The following GPC3 variants were observed in gnomAD, a reference collection of about 807,000 sequenced individuals.
The protein encoded by GPC3 is glypican-3.
In GPC3, 3 loss-of-function variants were observed where a neutral mutation model predicts 34.4. That is an observed-to-expected ratio of 0.09 (90% CI 0.04 to 0.23). GPC3 has a LOEUF of 0.23. Among genes scored for constraint, GPC3 ranks in the 10% least tolerant of loss-of-function variants. The probability of loss-of-function intolerance (pLI) is 1.00; values close to 1 mark genes in which losing one functional copy is unlikely to be tolerated. For synonymous variants in GPC3, 177 were observed against 174.0 expected (o/e 1.02, Z -0.13); for missense variants, 351 against 445.6 (o/e 0.79, Z 1.91).
intron 6 of GPC3, among the ~76,000 whole-genome samples, chrX:133,658,642 A>G (rs1474950273): frequency 1.8e-5 from 2 of 112,100 alleles, no homozygotes; most frequent in African/African-American, 6.5e-5. Flanking sequence ...GAGAAAAAAA[A>G]TCAATGTGGG....
chrX:133,811,446 G>GT (rs1318241776), intron 2 of GPC3, among the ~76,000 whole-genome samples: 1 of 111,284 alleles, frequency 9.0e-6, no homozygotes, highest in Non-Finnish European at 1.9e-5. Flanking sequence ...GTTTTGTTTT[G>GT]TTTTTTGTTT....
chrX:133,960,365 T>C (rs756375472), intron 1 of GPC3, among the ~76,000 whole-genome samples: 44 of 110,942 alleles, frequency 4.0e-4, no homozygotes, highest in African/African-American at 1.4e-3. Context: ...ACCTTGAAAT[T>C]GGGAAATGGA....
intron 3 of GPC3, among the ~76,000 whole-genome samples, chrX:133,734,338 G>A (rs2071488664): frequency 9.0e-6 from 1 of 111,327 alleles, no homozygotes; most frequent in Non-Finnish European, 1.9e-5. Flanking sequence ...AATCCAACAT[G>A]CTTTGATGAT....
intron 5 of GPC3, among the ~76,000 whole-genome samples, chrX:133,673,225 AC>A (rs1355849510): frequency 8.9e-6 from 1 of 112,943 alleles, no homozygotes. Flanking sequence ...GGCGTGAGCC[AC>A]TGCACCCAGC....
chrX:133,943,808 G>A (rs1054335151), intron 2 of GPC3, among the ~76,000 whole-genome samples: 1 of 111,656 alleles, frequency 9.0e-6, no homozygotes, highest in Non-Finnish European at 1.9e-5. Flanking sequence ...GGTCATGCTG[G>A]AAGAAAAGAC....
intron 2 of GPC3, among the ~76,000 whole-genome samples, chrX:133,919,479 G>A (rs924584136): frequency 1.8e-5 from 2 of 111,482 alleles, no homozygotes; most frequent in Non-Finnish European, 3.8e-5. Flanking sequence ...TAGCTACCAC[G>A]TTAAGGAATT....
chrX:133,773,485 G>A (rs772907902), intron 2 of GPC3, among the ~76,000 whole-genome samples: 11 of 111,966 alleles, frequency 9.8e-5, no homozygotes, highest in Non-Finnish European at 1.5e-4. Context: ...AAAGAAGAAA[G>A]AAAAGCATTT....
intron 2 of GPC3, among the ~76,000 whole-genome samples, chrX:133,801,213 C>T (rs755901599): frequency 4.5e-5 from 5 of 110,992 alleles, no homozygotes; most frequent in African/African-American, 1.3e-4. Context: ...TTTTATTCAA[C>T]GAGAAATTTC....
At chrX:133,868,763 C>T (rs1402448497) in intron 2 of GPC3, among the ~76,000 whole-genome samples, 4 of 111,348 alleles carry the variant, frequency 3.6e-5, no homozygotes, top group African/African-American at 1.3e-4. Context: ...CTCACTTTCT[C>T]CTCAATGGGC....
chrX:133,917,619 A>G (rs1307798124), intron 2 of GPC3, among the ~76,000 whole-genome samples: 1 of 112,024 alleles, frequency 8.9e-6, no homozygotes, highest in African/African-American at 3.2e-5. Flanking sequence ...GAGCACCTAA[A>G]ACTAAGGATC....
chrX:133,944,299 C>A (rs1209296194), intron 2 of GPC3, among the ~76,000 whole-genome samples: 2 of 111,820 alleles, frequency 1.8e-5, no homozygotes, highest in African/African-American at 6.5e-5. Flanking sequence ...CACAGGTTCC[C>A]AGGAGAGGGA....
chrX:133,934,832 A>C (rs1200566703), intron 2 of GPC3, among the ~76,000 whole-genome samples: 1 of 110,689 alleles, frequency 9.0e-6, no homozygotes, highest in Admixed American at 9.7e-5. Flanking sequence ...CTTCTTTATA[A>C]ATTATCCAGT....
chrX:133,904,777 G>C (rs1047283976), intron 2 of GPC3, among the ~76,000 whole-genome samples: 1 of 111,711 alleles, frequency 9.0e-6, no homozygotes, highest in South Asian at 3.8e-4. Flanking sequence ...ACTTCAAAGA[G>C]AAACCTAAGT....
chrX:133,860,900 G>A (rs780862724), intron 2 of GPC3, among the ~76,000 whole-genome samples: 2 of 110,325 alleles, frequency 1.8e-5, no homozygotes, highest in Non-Finnish European at 3.8e-5. Flanking sequence ...TCAGGAGTTC[G>A]AGACCAGCCT....
intron 2 of GPC3, among the ~76,000 whole-genome samples, chrX:133,780,463 T>C (rs2072035010): frequency 9.0e-6 from 1 of 111,542 alleles, no homozygotes; most frequent in South Asian, 3.8e-4. Flanking sequence ...TCCTGTCTTA[T>C]AACATTTAAA....
chrX:133,806,849 C>T (rs749406363), intron 2 of GPC3, among the ~76,000 whole-genome samples: 22 of 110,138 alleles, frequency 2.0e-4, no homozygotes, highest in African/African-American at 6.3e-4. Flanking sequence ...GGGGTTTCAC[C>T]GCGTTAGCCA....
intron 1 of GPC3, among the ~76,000 whole-genome samples, chrX:133,964,059 A>C (rs1440557921): frequency 9.0e-6 from 1 of 111,387 alleles, no homozygotes; most frequent in African/African-American, 3.3e-5. Context: ...ATCTCTTGAC[A>C]CACCACAGTT....
chrX:133,829,904 C>T (rs1009636562), intron 2 of GPC3, among the ~76,000 whole-genome samples: 2 of 111,612 alleles, frequency 1.8e-5, no homozygotes, highest in African/African-American at 6.5e-5. Context: ...AAAATTCATA[C>T]AGACTTTACA....
At chrX:133,626,838 T>A (rs979674875) in intron 6 of GPC3, among the ~76,000 whole-genome samples, 1 of 107,646 alleles carries the variant, frequency 9.3e-6, no homozygotes, top group Non-Finnish European at 1.9e-5. Flanking sequence ...GGATTATAAA[T>A]CATGCTGCTA....
Sources: allele counts gnomAD v4.1 joint callset (sites outside exome capture counted in the v4.1 genomes callset), GRCh38; gene constraint gnomAD v4.1.1; transcripts MANE v1.5; gene names NCBI Gene and HGNC (gene_info 2026-07-23, HGNC 2026-07-21).